Variants in USP45 observed in about 807,000 individuals in gnomAD.
USP45 encodes ubiquitin carboxyl-terminal hydrolase 45.
In USP45, 89 loss-of-function variants were observed where a neutral mutation model predicts 95.8. The observed-to-expected ratio is 0.93, with a 90% CI of 0.78 to 1.11. The LOEUF is 1.11. Ranked by LOEUF, USP45 falls within the 50% of genes least tolerant of loss-of-function variation. The pLI, the probability that USP45 is intolerant of heterozygous loss-of-function variation, is 0.00. For missense variants in USP45, 898 were observed against 942.5 expected (o/e 0.95, Z 0.62); for synonymous variants, 281 against 316.2 (o/e 0.89, Z 1.18).
At chr6:99,508,529 C>T in intron 3 of USP45, 81 bp downstream of exon 3, 1 of 1,345,158 alleles carries the variant, frequency 7.4e-7, no homozygotes, top group Non-Finnish European at 1.0e-6. Flanking sequence ...AACTCCTATG[C>T]ATGACCAACA....
intron 5 of USP45, among the ~76,000 whole-genome samples, chr6:99,500,660 C>G: frequency 6.6e-6 from 1 of 152,110 alleles, no homozygotes; most frequent in East Asian, 1.9e-4. Flanking sequence ...AAACTTAATG[C>G]TCATTTTTCA....
In USP45 at chr6:99,503,764, CTTGT is replaced by C. The variant is rs758091337; in HGVS notation, c.475_478del (p.Thr159ValfsTer7). The C allele has an allele frequency of 5.4e-5, 85 of 1,577,904 alleles. No homozygotes were observed. In the East Asian group the frequency reaches 1.9e-3, roughly 35 times the overall value. ...ATTCCTTTAGTCATCGCTTAACTTA[CTTGT>C]TTGTGTTTTAGAAGCATGTTTCTGG... On this transcript the variant is annotated frameshift_variant and splice_region_variant, in exon 5 of 18. Transcript: ENST00000500704. LOFTEE classifies it high-confidence loss of function.
At chr6:99,490,077 T>C (rs1387797464) in intron 5 of USP45, among the ~76,000 whole-genome samples, 1 of 152,178 alleles carries the variant, frequency 6.6e-6, no homozygotes, top group Non-Finnish European at 1.5e-5. Context: ...ATCAAAATTA[T>C]GATAATTTGA....
chr6:99,510,095 T>C (rs769500065), intron 2 of USP45, 26 bp downstream of exon 2: 5 of 1,522,580 alleles, frequency 3.3e-6, no homozygotes, highest in East Asian at 4.5e-5. Context: ...TCAACACTAT[T>C]TGGGATGCCA....
intron 10 of USP45, among the ~76,000 whole-genome samples, chr6:99,467,391 A>T (rs1392108788): frequency 6.6e-6 from 1 of 151,998 alleles, no homozygotes; most frequent in East Asian, 1.9e-4. Flanking sequence ...CTACTTTAAT[A>T]AAAATTTGAA....
In USP45 at chr6:99,464,688, ATC is replaced by A. The variant is rs752014213; in HGVS notation, c.1222_1223del (p.Asp408SerfsTer2). On this transcript the variant is annotated frameshift_variant, in exon 13 of 18. Transcript: ENST00000500704. LOFTEE classifies it high-confidence loss of function. ...MNKYRSLRET[D>X]HDRYSGNVTI... ...TAACATTGCCACTGTATCGATCATG[ATC>A]TGTCTCCCGTAAACTTCTATATTTA... 8 of 1,613,010 alleles carry A rather than the reference ATC, an allele frequency of 5.0e-6. No individual in the cohort carries two copies. Among genetic ancestry groups the A allele is most frequent in the Non-Finnish European group, 6.8e-6 (8 of 1,179,810 alleles).
At position 99,503,856 on chromosome 6, in the gene USP45, T is replaced by C. The variant is rs141089939; in HGVS notation, c.387A>G (p.Glu129=). ...AATGCGTTGATAATTTTTCATCACA[T>C]TCATAACACCTGAAAAAGTATAAAA... ...NLSTWIIWCY[E]CDEKLSTHCN... The change falls in exon 5 of 18, where the codon GAA becomes GAG. Residue 129 remains glutamate (E), a synonymous_variant. Transcript: ENST00000500704. 28 of 1,578,266 alleles carry C rather than the reference T, an allele frequency of 1.8e-5. No homozygotes were observed. In the Admixed American group the frequency reaches 4.8e-4, roughly 27 times the overall value.
intron 5 of USP45, among the ~76,000 whole-genome samples, chr6:99,494,891 C>CA (rs1795973423): frequency 6.6e-6 from 1 of 151,640 alleles, no homozygotes; most frequent in East Asian, 1.9e-4. Flanking sequence ...GAGACTGTTT[C>CA]AAAAAACAAA....
rs979844318 is a variant in USP45, at chr6:99,432,539, A to G, written c.*3177T>C. 6.6e-6 allele frequency: 1 copy of G among 152,204 alleles called. No individual in the cohort carries two copies. Among genetic ancestry groups the G allele is most frequent in the Non-Finnish European group, 1.5e-5 (1 of 68,030 alleles). The allele number at this position is 152,204 out of a possible 1,614,324, so 9.4% of individuals were successfully genotyped here. ...CAGCTGTTTTCTAGAAACATGGCAAAAGAAAAAAAACAGTAGGAATAATAT... is the reference window on the plus strand; with the variant it reads ...CAGCTGTTTTCTAGAAACATGGCAAGAGAAAAAAAACAGTAGGAATAATAT... On this transcript the variant is annotated 3_prime_UTR_variant, in exon 18 of 18. Coordinates refer to ENST00000500704, the MANE Select transcript of USP45 (RefSeq NM_001346022.3).
chr6:99,491,974 C>T (rs1795276369), intron 5 of USP45, among the ~76,000 whole-genome samples: 1 of 152,150 alleles, frequency 6.6e-6, no homozygotes, highest in Non-Finnish European at 1.5e-5. Flanking sequence ...TATACACAGA[C>T]ACATTATTCA....
intron 13 of USP45, among the ~76,000 whole-genome samples, chr6:99,460,606 G>A (rs772924993): frequency 7.2e-5 from 11 of 152,062 alleles, no homozygotes; most frequent in East Asian, 1.9e-4. Context: ...AGATCCCTTC[G>A]AATACAGCGT....
chr6:99,480,040 CA>C (rs1158987186), intron 8 of USP45, among the ~76,000 whole-genome samples: 1 of 152,094 alleles, frequency 6.6e-6, no homozygotes, highest in Non-Finnish European at 1.5e-5. Flanking sequence ...ACTAGTAAAG[CA>C]AGTTGGGTAG....
chr6:99,512,332 C>T (rs781253133), intron 1 of USP45, among the ~76,000 whole-genome samples: 323 of 152,316 alleles, frequency 2.1e-3, no homozygotes, highest in Non-Finnish European at 3.5e-3. Flanking sequence ...ACTGAAGCCA[C>T]TGCTGGGGGC....
intron 12 of USP45, 66 bp downstream of exon 12, chr6:99,465,014 C>A: frequency 7.3e-7 from 1 of 1,360,772 alleles, no homozygotes; most frequent in Non-Finnish European, 1.0e-6. Flanking sequence ...ATATACTCAA[C>A]AAATGTTTAA....
Position 99,437,315 on chromosome 6 carries a change from C to T in USP45, c.2245G>A (p.Ala749Thr). 3.7e-6 allele frequency: 6 copies of T among 1,613,846 alleles called. No individual in the cohort carries two copies. Among genetic ancestry groups the T allele is most frequent in the Non-Finnish European group, 5.1e-6 (6 of 1,179,914 alleles). The change falls in exon 17 of 18, where the codon GCT becomes ACT. Residue 749 changes from alanine to threonine, a missense_variant. By Grantham distance (58) the Ala-to-Thr change is moderately conservative. Coordinates refer to ENST00000500704, the MANE Select transcript of USP45 (RefSeq NM_001346022.3). Reference protein sequence around the residue: ...SGSMREGHYTAYVKVRTPSRK... With the variant: ...SGSMREGHYTTYVKVRTPSRK... ...GAGGGTGTTCTCACTTTCACATAAG[C>T]AGTGTAGTGGCCTTCTCTCATCGAG...
intron 5 of USP45, among the ~76,000 whole-genome samples, chr6:99,503,434 C>T (rs1030654236): frequency 6.6e-6 from 1 of 151,876 alleles, no homozygotes; most frequent in Admixed American, 6.6e-5. Flanking sequence ...CAGGTTCAAG[C>T]GATTCTCCTG....
intron 9 of USP45, among the ~76,000 whole-genome samples, chr6:99,473,889 AG>A (rs1790146734): frequency 6.6e-6 from 1 of 152,070 alleles, no homozygotes; most frequent in African/African-American, 2.4e-5. Flanking sequence ...AATCTAAGAA[AG>A]CTGACAGATA....
chr6:99,467,650 T>A (rs186097696), intron 10 of USP45, among the ~76,000 whole-genome samples: 88 of 152,098 alleles, frequency 5.8e-4, no homozygotes, highest in Non-Finnish European at 1.0e-3. Context: ...TTGGAAATAG[T>A]ACAAAACTGG....
At chr6:99,473,777 AACACACAC>A (rs60031754) in intron 9 of USP45, among the ~76,000 whole-genome samples, 5 of 127,732 alleles carry the variant, frequency 3.9e-5, no homozygotes, top group African/African-American at 6.2e-5. Context: ...AAAAAAACAA[AACACACAC>A]ACACACACAC....
Sources: gnomAD v4.1 joint callset for allele counts (sites outside exome capture counted in the v4.1 genomes callset) on GRCh38, gnomAD v4.1.1 for gene constraint, MANE v1.5 for transcripts, NCBI Gene and HGNC (gene_info 2026-07-23, HGNC 2026-07-21) for gene names.